The following RIC1 variants were observed in gnomAD, a reference collection of about 807,000 sequenced individuals.
RIC1 encodes the protein RIC1 partner of RAB6A GEF complex.
In RIC1, 88 loss-of-function variants were observed where a neutral mutation model predicts 169.0. The ratio of observed to expected loss-of-function variants is 0.52; its 90% confidence interval spans 0.44 to 0.62. The LOEUF (loss-of-function observed/expected upper bound fraction) is 0.62, where lower values mean the gene tolerates loss of function less well. Among genes scored for constraint, RIC1 ranks in the 20% least tolerant of loss-of-function variants. RIC1 has a pLI of 0.00. For synonymous variants in RIC1, 790 were observed against 601.5 expected, an observed-to-expected ratio of 1.31 and a Z score of -4.59; for missense variants, 1,877 against 1,725.5, an observed-to-expected ratio of 1.09 and a Z score of -1.56.
chr9:5,772,437 A>G (rs1827285201), intron 23 of RIC1, 127 bp from the exon 24 acceptor site: 1 of 705,506 alleles, frequency 1.4e-6, no homozygotes, highest in South Asian at 2.3e-5. Context: ...AATTTTAGCC[A>G]TGGATTTCAT....
chr9:5,751,764 TAAGTG>T (rs1430676272), intron 12 of RIC1, among the ~76,000 whole-genome samples: 6 of 152,210 alleles, frequency 3.9e-5, no homozygotes, highest in South Asian at 4.1e-4. Context: ...CACTTGATAA[TAAGTG>T]AAGTATAACA....
At chr9:5,734,979 A>G (rs554650656) in intron 7 of RIC1, among the ~76,000 whole-genome samples, 2 of 152,288 alleles carry the variant, frequency 1.3e-5, no homozygotes, top group African/African-American at 4.8e-5. Context: ...TACCCAATTT[A>G]TATGCAAATT....
chr9:5,723,035 A>G (rs1317361461), intron 6 of RIC1, among the ~76,000 whole-genome samples: 1 of 152,210 alleles, frequency 6.6e-6, no homozygotes, highest in Non-Finnish European at 1.5e-5. Flanking sequence ...GTGTGTCTTT[A>G]TAGCAGCATG....
Position 5,756,468 on chromosome 9 carries a change from A to T in RIC1, c.1853+96A>T. The T allele has an allele frequency of 3.8e-6, 3 of 796,100 alleles. No individual in the cohort carries two copies. The South Asian group carries it at 1.4e-4, about 36-fold the overall frequency. 49.3% of individuals were successfully genotyped at this position (796,100 alleles called of 1,614,324 possible). ...TTCTCAAAACAGTTATTCCACTTTT[A>T]TATTCAATCTTGTTTTTGTTAGAGG... On this transcript the variant is annotated intron_variant, in intron 16 of 25. Coordinates refer to ENST00000414202, the MANE Select transcript of RIC1 (RefSeq NM_020829.4).
chr9:5,629,549 C>A, intron 1 of RIC1, 96 bp downstream of exon 1: 1 of 1,321,338 alleles, frequency 7.6e-7, no homozygotes, highest in Non-Finnish European at 1.0e-6. Context: ...GACTCCTGCC[C>A]CTTCGTGCCA....
Position 5,656,625 on chromosome 9 carries a change from T to A in RIC1, c.187T>A (p.Ser63Thr), listed in dbSNP as rs761895871. The A allele has an allele frequency of 4.3e-6, 7 of 1,609,636 alleles. No homozygotes were observed. Among genetic ancestry groups the A allele is most frequent in the Non-Finnish European group, 5.9e-6 (7 of 1,177,376 alleles). ...AACCTACAAGGAGCCTGCAAAATCATCTACTCAGTTTGGATCCTACAAGCA... is the reference window on the plus strand; with the variant it reads ...AACCTACAAGGAGCCTGCAAAATCAACTACTCAGTTTGGATCCTACAAGCA... ...IVTYKEPAKS[S>T]TQFGSYKQAE... Residue 63 changes from serine (S) to threonine (T), a missense_variant, in exon 2 of 26, where the codon TCT becomes ACT. Physicochemically the swap from Ser to Thr is moderately conservative, Grantham distance 58. Coordinates refer to ENST00000414202, the MANE Select transcript of RIC1 (RefSeq NM_020829.4).
chr9:5,667,073 C>A (rs948508948), intron 2 of RIC1, among the ~76,000 whole-genome samples: 1 of 151,962 alleles, frequency 6.6e-6, no homozygotes, highest in Non-Finnish European at 1.5e-5. Flanking sequence ...GTCTGTAATC[C>A]CAGCACTTTG....
intron 17 of RIC1, among the ~76,000 whole-genome samples, chr9:5,762,312 A>G (rs1302230172): frequency 6.6e-6 from 1 of 152,134 alleles, no homozygotes; most frequent in East Asian, 1.9e-4. Context: ...TCTGCCCTCA[A>G]TCTTATGTCA....
At chr9:5,712,045 T>A (rs1262792611) in intron 3 of RIC1, among the ~76,000 whole-genome samples, 2 of 152,202 alleles carry the variant, frequency 1.3e-5, no homozygotes, top group African/African-American at 4.8e-5. Context: ...TACATGCGCA[T>A]GTGTCTTTAT....
At chr9:5,657,559 T>G (rs570279089) in intron 2 of RIC1, among the ~76,000 whole-genome samples, 2 of 152,276 alleles carry the variant, frequency 1.3e-5, no homozygotes, top group African/African-American at 4.8e-5. Flanking sequence ...ATGCGTAGTG[T>G]ATATTAGAGA....
rs1818986914 is a variant in RIC1, at chr9:5,654,712, C to T, written c.145-1871C>T. Among the ~76,000 whole-genome samples, 3 of 151,782 alleles carry T rather than the reference C, an allele frequency of 2.0e-5. No individual in the cohort carries two copies. The South Asian group carries it at 6.2e-4, about 32-fold the overall frequency. ...TATTTTTAGTAGAGATGTAACCACA[C>T]CTGGCTAATTTTTGTATTTTTAGTA... On this transcript the variant is annotated intron_variant, in intron 1 of 25. Transcript: ENST00000414202.
intron 12 of RIC1, among the ~76,000 whole-genome samples, chr9:5,748,140 G>A (rs933698847): frequency 3.3e-5 from 5 of 152,288 alleles, no homozygotes; most frequent in Admixed American, 3.3e-4. Flanking sequence ...GGGGAAACCA[G>A]TAAGTTGAAG....
intron 2 of RIC1, among the ~76,000 whole-genome samples, chr9:5,687,939 A>T (rs1821351827): frequency 6.6e-6 from 1 of 151,642 alleles, no homozygotes; most frequent in South Asian, 2.1e-4. Context: ...TGTGTGTTTC[A>T]TTATGGATAA....
intron 15 of RIC1, among the ~76,000 whole-genome samples, chr9:5,755,513 C>G (rs1825955011): frequency 6.6e-6 from 1 of 152,116 alleles, no homozygotes; most frequent in Admixed American, 6.5e-5. Flanking sequence ...ATTTTCAGAC[C>G]ATGGTTGACT....
chr9:5,756,324 G>A lies in RIC1; in HGVS notation c.1805G>A (p.Arg602Lys), dbSNP rs763308771. Reference protein sequence around the residue: ...SVFQDMVIVFRADCSICLYSI... With the variant: ...SVFQDMVIVFKADCSICLYSI... ...TTCCAGGACATGGTAATAGTATTTA[G>A]AGCAGACTGTTCAATATGCCTTTAC... is the stretch of plus-strand genomic sequence containing the variant. The change falls in exon 16 of 26, where the codon AGA becomes AAA. Residue 602 changes from arginine to lysine, a missense_variant. Physicochemically the swap from Arg to Lys is conservative, Grantham distance 26. Around this residue, in one of 3 missense-constraint regions of RIC1, gnomAD observed 1,104 missense variants for 992.0 expected, o/e 1.11. Transcript: ENST00000414202. 1 of 1,582,444 alleles carries A rather than the reference G, an allele frequency of 6.3e-7. No individual in the cohort carries two copies. The highest frequency in any genetic ancestry group is 8.6e-7 in the Non-Finnish European group (1 of 1,161,094).
At chr9:5,679,271 T>C (rs1034770470) in intron 2 of RIC1, among the ~76,000 whole-genome samples, 31 of 152,172 alleles carry the variant, frequency 2.0e-4, no homozygotes, top group African/African-American at 5.3e-4. Context: ...AGTCAGGTAG[T>C]GTGATGCCTC....
intron 2 of RIC1, among the ~76,000 whole-genome samples, chr9:5,658,001 C>G (rs558836056): frequency 2.0e-5 from 3 of 152,096 alleles, no homozygotes; most frequent in African/African-American, 4.8e-5. Flanking sequence ...GAAGTTCTTA[C>G]AGCAAGTGTA....
At position 5,733,040 on chromosome 9, in the gene RIC1, C is replaced by T. The variant is rs184024916; in HGVS notation, c.812+561C>T. On this transcript the variant is annotated intron_variant, in intron 7 of 25. Transcript: ENST00000414202. ...TACATTAGAAAACAAAGATACTGAA[C>T]TTGGTTGAGCTTAAATTTTAGCTCA... 1.4e-3 allele frequency among the ~76,000 whole-genome samples: 212 copies of T among 152,132 alleles called. 1 individual carries two copies. Among genetic ancestry groups the T allele is most frequent in the African/African-American group, 5.0e-3 (208 of 41,498 alleles).
At chr9:5,726,621 A>G (rs1336089149) in intron 6 of RIC1, among the ~76,000 whole-genome samples, 2 of 152,158 alleles carry the variant, frequency 1.3e-5, no homozygotes, top group Admixed American at 6.6e-5. Flanking sequence ...TATTTTGCAC[A>G]TTAGTTGATG....
Sources: gnomAD v4.1 joint callset for allele counts (sites outside exome capture counted in the v4.1 genomes callset) on GRCh38, gnomAD v4.1.1 for gene constraint, gnomAD v4.1.1 regional missense constraint, MANE v1.5 for transcripts, NCBI Gene and HGNC (gene_info 2026-07-23, HGNC 2026-07-21) for gene names.